Variants in R3HDM4 observed in about 807,000 individuals in gnomAD.
R3HDM4 encodes R3H domain-containing protein 4.
In R3HDM4, 30 loss-of-function variants were observed where a neutral mutation model predicts 31.3. That is an observed-to-expected ratio of 0.96 (90% confidence interval 0.72 to 1.30). The LOEUF is 1.30. Among genes scored for constraint, R3HDM4 ranks in the 50% most tolerant of loss-of-function variants. The probability of loss-of-function intolerance (pLI) is 0.00; values close to 1 mark genes in which losing one functional copy is unlikely to be tolerated. For missense variants in R3HDM4, 444 were observed against 366.1 expected, an observed-to-expected ratio of 1.21 and a Z score of -1.74; for synonymous variants, 196 against 156.6, an observed-to-expected ratio of 1.25 and a Z score of -1.88.
intron 1 of R3HDM4, among the ~76,000 whole-genome samples, chr19:904,196 A>T (rs1266834899): frequency 1.3e-5 from 2 of 152,004 alleles, no homozygotes; most frequent in Non-Finnish European, 2.9e-5. Context: ...CCTGAAACAC[A>T]TTCTGCTCCA....
chr19:909,084 C>T (rs2036940737), intron 1 of R3HDM4, among the ~76,000 whole-genome samples: 1 of 152,230 alleles, frequency 6.6e-6, no homozygotes, highest in African/African-American at 2.4e-5. Flanking sequence ...TCTGAGGCTT[C>T]CTGGACCCTG....
At chr19:901,796 T>G in intron 2 of R3HDM4, 180 bp downstream of exon 2, 1 of 654,208 alleles carries the variant, frequency 1.5e-6, no homozygotes, top group Non-Finnish European at 2.5e-6. Context: ...GATCCAAGAG[T>G]CCAGGGGGCG....
chr19:906,088 G>A (rs955912284), intron 1 of R3HDM4, among the ~76,000 whole-genome samples: 8 of 152,146 alleles, frequency 5.3e-5, no homozygotes, highest in South Asian at 2.1e-4. Flanking sequence ...GCAGTGGTGC[G>A]ATCTCCGCTC....
Position 897,326 on chromosome 19 carries a change from GA to G in R3HDM4, c.*110del. The G allele has an allele frequency of 9.5e-6, 8 of 843,298 alleles. No individual in the cohort carries two copies. The highest frequency in any genetic ancestry group is 3.0e-5 in the Admixed American group (1 of 33,722). 52.2% of individuals were successfully genotyped at this position (843,298 alleles called of 1,614,324 possible). ...CAGAGTGAGAGAGACCACCCCAAGCGAAAAAGGTTTCCGAGGACAAATTCTA... is the reference window on the plus strand; with the variant it reads ...CAGAGTGAGAGAGACCACCCCAAGCGAAAAGGTTTCCGAGGACAAATTCTA... On this transcript the variant is annotated 3_prime_UTR_variant, in exon 8 of 8. Transcript: ENST00000361574.
In R3HDM4 at chr19:897,433, G is replaced by T. The variant is rs111987395; in HGVS notation, c.*4C>A. The T allele has an allele frequency of 6.2e-5, 99 of 1,595,948 alleles. 1 individual carries two copies. In the East Asian group the frequency reaches 2.2e-3, roughly 35 times the overall value. Reference sequence around the variant, plus strand: ...GTGGCAGCGGGGTCTCCGCGGGGCCGCCATCAGCTGTGCTGCTCCAGGTAG... The same window carrying T: ...GTGGCAGCGGGGTCTCCGCGGGGCCTCCATCAGCTGTGCTGCTCCAGGTAG... On this transcript the variant is annotated 3_prime_UTR_variant, in exon 8 of 8. Transcript: ENST00000361574.
rs538347157 is a variant in R3HDM4, at chr19:909,494, C to A, written c.71+3593G>T. Among the ~76,000 whole-genome samples, 3 of 152,262 alleles carry A rather than the reference C, an allele frequency of 2.0e-5. No individual in the cohort carries two copies. The East Asian group carries it at 5.8e-4, about 29-fold the overall frequency. Reference sequence around the variant, plus strand: ...ACATAGTTACATAGGAGTCACTACACCTGGGCTTCAAGACCAGGGTGCCAG... The same window carrying A: ...ACATAGTTACATAGGAGTCACTACAACTGGGCTTCAAGACCAGGGTGCCAG... On this transcript the variant is annotated intron_variant, in intron 1 of 7. Coordinates refer to ENST00000361574, the MANE Select transcript of R3HDM4 (RefSeq NM_138774.4).
chr19:908,622 T>TAAAATAA (rs2036934518), intron 1 of R3HDM4, among the ~76,000 whole-genome samples: 1 of 151,514 alleles, frequency 6.6e-6, no homozygotes. Context: ...AAAATAAAAA[T>TAAAATAA]AAAATAAAAA....
In R3HDM4 at chr19:907,303, G is replaced by A. The variant is rs1188032532; in HGVS notation, c.72-5173C>T. Among the ~76,000 whole-genome samples, 1 of 152,124 alleles carries A rather than the reference G, an allele frequency of 6.6e-6. No individual in the cohort carries two copies. The highest frequency in any genetic ancestry group is 1.9e-4 in the East Asian group (1 of 5,178). ...TCTGAAGCTGGATCAGCCTGAAGCT[G>A]CCTCCCTGAGGCCGGAGCACTCTGT... On this transcript the variant is annotated intron_variant, in intron 1 of 7. Transcript: ENST00000361574. The surrounding 1 kb of genome is among the most constrained non-coding windows in gnomAD (Gnocchi z 4.1).
At chr19:897,859 T>C (rs1439278204) in intron 7 of R3HDM4, among the ~76,000 whole-genome samples, 2 of 152,098 alleles carry the variant, frequency 1.3e-5, no homozygotes, top group Admixed American at 6.5e-5. Context: ...CCTGGCGGAG[T>C]GTCCGGCCTC....
chr19:899,965 C>G lies in R3HDM4; in HGVS notation c.561+96G>C. 1 of 1,294,826 alleles carries G rather than the reference C, an allele frequency of 7.7e-7. No homozygotes were observed. The allele number at this position is 1,294,826 out of a possible 1,614,324, so 80.2% of individuals were successfully genotyped here. A position where few individuals can be genotyped will look rare whatever the true frequency, so the allele number is the denominator to read the frequency against. ...CTGTATCCTGCCCTGTTTCCCCTGACACGACCTGCACCGGGTGAGAACCTG... is the reference window on the plus strand; with the variant it reads ...CTGTATCCTGCCCTGTTTCCCCTGAGACGACCTGCACCGGGTGAGAACCTG... On this transcript the variant is annotated intron_variant, in intron 5 of 7. Coordinates refer to ENST00000361574, the MANE Select transcript of R3HDM4 (RefSeq NM_138774.4). The surrounding 1 kb of genome is among the most constrained non-coding windows in gnomAD (Gnocchi z 6.8).
rs1224873059 is a variant in R3HDM4 at position 907,754 on chromosome 19, C to G, written c.71+5333G>C. Among the ~76,000 whole-genome samples the G allele has an allele frequency of 6.6e-6, 1 of 152,168 alleles. No individual in the cohort carries two copies. The highest frequency in any genetic ancestry group is 1.5e-5 in the Non-Finnish European group (1 of 68,024). Reference sequence around the variant, plus strand: ...CAGCATCCCAGGGCCAGGCCTGGCTCCCCCTTGGCCTAGCACTGCAACACG... The same window carrying G: ...CAGCATCCCAGGGCCAGGCCTGGCTGCCCCTTGGCCTAGCACTGCAACACG... On this transcript the variant is annotated intron_variant, in intron 1 of 7. Transcript: ENST00000361574. The surrounding 1 kb of genome is among the most constrained non-coding windows in gnomAD (Gnocchi z 4.1).
At chr19:902,376 G>C in intron 1 of R3HDM4, 2 of 501,230 alleles carry the variant, frequency 4.0e-6, no homozygotes, top group Non-Finnish European at 7.2e-6. Flanking sequence ...GTGGGAGGCT[G>C]AGGCCGGTGG....
chr19:902,327 G>A (rs1399325694), intron 1 of R3HDM4, 197 bp from the exon 2 acceptor site: 25 of 610,166 alleles, frequency 4.1e-5, no homozygotes, highest in Middle Eastern at 4.5e-4. Context: ...TTGTGAAGAC[G>A]GGCTGGGTGT....
intron 1 of R3HDM4, among the ~76,000 whole-genome samples, chr19:908,354 C>A (rs2036931605): frequency 1.3e-5 from 2 of 152,070 alleles, no homozygotes; most frequent in Non-Finnish European, 2.9e-5. Context: ...CACTTCTAAT[C>A]CCAGCACTTT....
At position 897,184 on chromosome 19, in the gene R3HDM4, AG is replaced by A; in HGVS notation, c.*252del. On this transcript the variant is annotated 3_prime_UTR_variant, in exon 8 of 8. Coordinates refer to ENST00000361574, the MANE Select transcript of R3HDM4 (RefSeq NM_138774.4). ...ACGATGAAGAAACAGGAACATGCCC[AG>A]GTCAGGTCTCCCCACCCAAACACAA... 2.3e-6 allele frequency: 1 copy of A among 436,352 alleles called. No individual in the cohort carries two copies. The highest frequency in any genetic ancestry group is 4.8e-5 in the South Asian group (1 of 20,648). The allele number at this position is 436,352 out of a possible 1,614,324, so 27.0% of individuals were successfully genotyped here. A position where few individuals can be genotyped will look rare whatever the true frequency, so the allele number is the denominator to read the frequency against.
At chr19:908,757 C>G (rs900255110) in intron 1 of R3HDM4, among the ~76,000 whole-genome samples, 1 of 151,844 alleles carries the variant, frequency 6.6e-6, no homozygotes, top group Non-Finnish European at 1.5e-5. Flanking sequence ...CCCCCAGGAA[C>G]GGCCCCGCCC....
chr19:903,907 C>A (rs1028259246), intron 1 of R3HDM4, among the ~76,000 whole-genome samples: 4 of 152,088 alleles, frequency 2.6e-5, no homozygotes, highest in African/African-American at 9.7e-5. Context: ...AAAAATTAGC[C>A]GGGCGTGGTG....
chr19:912,577 G>T (rs1342157304), intron 1 of R3HDM4, among the ~76,000 whole-genome samples: 1 of 75,874 alleles, frequency 1.3e-5, no homozygotes, highest in African/African-American at 5.2e-5. Context: ...CAGGGCAGTG[G>T]GGGGGCGCGG....
chr19:899,622 T>C lies in R3HDM4; in HGVS notation c.626A>G (p.Tyr209Cys). ...RFFSVSPQAVYTAMLDNSFER... is the reference protein window; with the variant it reads ...RFFSVSPQAVCTAMLDNSFER... Reference sequence around the variant, plus strand: ...TTACCTGTTGTCTAGCATTGCTGTGTACACGGCCTGGGGGGACACGGAGAA... The same window carrying C: ...TTACCTGTTGTCTAGCATTGCTGTGCACACGGCCTGGGGGGACACGGAGAA... Residue 209 changes from tyrosine to cysteine, a missense_variant, in exon 6 of 8, where the codon TAC becomes TGC. Transcript: ENST00000361574. The surrounding 1 kb of genome is among the most constrained non-coding windows in gnomAD (Gnocchi z 6.8). 6.2e-7 allele frequency: 1 copy of C among 1,611,760 alleles called. No homozygotes were observed. Among genetic ancestry groups the C allele is most frequent in the Non-Finnish European group, 8.5e-7 (1 of 1,179,156 alleles).
Sources: allele counts gnomAD v4.1 joint callset (sites outside exome capture counted in the v4.1 genomes callset), GRCh38; gene constraint gnomAD v4.1.1; non-coding constraint Gnocchi (gnomAD v3.1); transcripts MANE v1.5; gene names NCBI Gene and HGNC (gene_info 2026-07-23, HGNC 2026-07-21).